Variants in ARMC2 observed in about 807,000 individuals in gnomAD.
ARMC2 encodes the protein armadillo repeat-containing protein 2.
ARMC2 carries 67 observed loss-of-function variants against 90.3 expected under a neutral mutation model. The observed-to-expected ratio is 0.74, with a 90% CI of 0.61 to 0.91. The LOEUF is 0.91. Ranked by LOEUF, ARMC2 falls within the 40% of genes least tolerant of loss-of-function variation. The probability of loss-of-function intolerance (pLI) is 0.00; values close to 1 mark genes in which losing one functional copy is unlikely to be tolerated. For synonymous variants in ARMC2, 393 were observed against 393.0 expected (o/e 1.00, Z 0.00); for missense variants, 920 against 1,030.9 (o/e 0.89, Z 1.47).
At chr6:108,937,683 C>T (rs1236878874) in intron 12 of ARMC2, among the ~76,000 whole-genome samples, 1 of 151,994 alleles carries the variant, frequency 6.6e-6, no homozygotes. Context: ...TTCATACAGA[C>T]ATTATTTTTA....
At chr6:108,940,223 G>A (rs1339760441) in intron 12 of ARMC2, among the ~76,000 whole-genome samples, 2 of 152,196 alleles carry the variant, frequency 1.3e-5, no homozygotes, top group African/African-American at 2.4e-5. Flanking sequence ...CCGAGATCGT[G>A]CCACTGCACT....
chr6:108,955,121 A>G (rs1194964855), intron 13 of ARMC2, among the ~76,000 whole-genome samples: 1 of 152,178 alleles, frequency 6.6e-6, no homozygotes, highest in East Asian at 1.9e-4. Context: ...CACAGGACCT[A>G]GCTCCAAATA....
chr6:109,050,690 G>T, the ARMC2 span, among the ~76,000 whole-genome samples: 2 of 152,110 alleles, frequency 1.3e-5, no homozygotes, highest in Non-Finnish European at 2.9e-5. Flanking sequence ...AGGTCTCTCA[G>T]CCTAAAGGCA....
At chr6:108,858,677 A>G (rs370044480) in intron 3 of ARMC2, among the ~76,000 whole-genome samples, 7 of 151,478 alleles carry the variant, frequency 4.6e-5, no homozygotes, top group Non-Finnish European at 7.4e-5. Flanking sequence ...GTCTCTCTAT[A>G]TATACATTTA....
the ARMC2 span, among the ~76,000 whole-genome samples, chr6:109,026,598 C>T: frequency 1.3e-5 from 2 of 151,924 alleles, no homozygotes; most frequent in Admixed American, 6.6e-5. Context: ...CTCCCAGTTT[C>T]GGTTCAAGCG....
the ARMC2 span, among the ~76,000 whole-genome samples, chr6:109,031,916 A>C: frequency 6.6e-6 from 1 of 152,214 alleles, no homozygotes; most frequent in Non-Finnish European, 1.5e-5. Flanking sequence ...GATGGAACCC[A>C]AGTCTAAACA....
the ARMC2 span, among the ~76,000 whole-genome samples, chr6:109,052,548 T>G: frequency 6.6e-6 from 1 of 152,214 alleles, no homozygotes; most frequent in Non-Finnish European, 1.5e-5. Context: ...CACTTAAAGT[T>G]TTAATATAAT....
the ARMC2 span, among the ~76,000 whole-genome samples, chr6:109,014,718 C>A: frequency 1.3e-5 from 2 of 152,086 alleles, no homozygotes; most frequent in African/African-American, 4.8e-5. Flanking sequence ...TCTGTCACTC[C>A]TCTCAGTGTC....
Position 108,962,105 on chromosome 6 carries a change from C to A in ARMC2, c.2130C>A (p.Cys710Ter). The A allele has an allele frequency of 6.2e-7, 1 of 1,610,060 alleles. No homozygotes were observed. Among genetic ancestry groups the A allele is most frequent in the South Asian group, 1.1e-5 (1 of 90,424 alleles). ...ATCTCTCCCAGGACCATGATGTCTGCGATTTCATTGTGCAGAACAATGGTG... is the reference window on the plus strand; with the variant it reads ...ATCTCTCCCAGGACCATGATGTCTGAGATTTCATTGTGCAGAACAATGGTG... ...FGNLSQDHDV[C>*]DFIVQNNVHR... is the part of the protein sequence containing the mutation. The change falls in exon 15 of 18, where the codon TGC becomes TGA. Residue 710 changes from cysteine to a stop codon, truncating the protein, a stop_gained. Transcript: ENST00000392644. LOFTEE classifies it high-confidence loss of function.
At chr6:109,027,772 G>T in the ARMC2 span, among the ~76,000 whole-genome samples, 213 of 152,254 alleles carry the variant, frequency 1.4e-3, 1 homozygote, top group African/African-American at 4.9e-3. Context: ...GATGCCTAAT[G>T]TAGCAATATC....
the ARMC2 span, among the ~76,000 whole-genome samples, chr6:108,980,892 A>G: frequency 6.6e-6 from 1 of 152,310 alleles, no homozygotes; most frequent in East Asian, 1.9e-4. Context: ...TGTCTCAAAA[A>G]AACAAAACAA....
intron 13 of ARMC2, among the ~76,000 whole-genome samples, chr6:108,960,417 C>T (rs12111012): frequency 0.028 from 4,308 of 152,280 alleles, 198 homozygotes; most frequent in African/African-American, 0.098. Flanking sequence ...GAGTGGGAGG[C>T]AGGGACAAAA....
rs1332449710 is a variant in ARMC2 at position 108,910,916 on chromosome 6, G to T, written c.1041G>T (p.Lys347Asn). 3.2e-6 allele frequency: 5 copies of T among 1,555,994 alleles called. No individual in the cohort carries two copies. The highest frequency in any genetic ancestry group is 2.7e-5 in the African/African-American group (2 of 73,740). ...KIILALKVSRKNLLNVCKLIF... is the reference protein window; with the variant it reads ...KIILALKVSRNNLLNVCKLIF... ...CTCTGCAGCTTAAAGTGAGTAGAAA[G>T]AATCTTCTTAATGTCTGCAAACTTA... Residue 347 changes from lysine to asparagine, a missense_variant, in exon 9 of 18, where the codon AAG becomes AAT. Coordinates refer to ENST00000392644, the MANE Select transcript of ARMC2 (RefSeq NM_032131.6).
chr6:108,863,852 T>C (rs1775533957), intron 3 of ARMC2, among the ~76,000 whole-genome samples: 1 of 152,178 alleles, frequency 6.6e-6, no homozygotes, highest in Non-Finnish European at 1.5e-5. Context: ...AATTGATCAT[T>C]TCTGGGCTCA....
the ARMC2 span, among the ~76,000 whole-genome samples, chr6:108,995,234 G>A: frequency 2.0e-5 from 3 of 152,214 alleles, no homozygotes; most frequent in East Asian, 1.9e-4. Context: ...GCAGAACTGC[G>A]TAAGATAACT....
the ARMC2 span, among the ~76,000 whole-genome samples, chr6:109,038,945 A>T: frequency 5.3e-5 from 8 of 150,286 alleles, no homozygotes; most frequent in Admixed American, 1.3e-4. Flanking sequence ...AGAGAAGAAG[A>T]AAAGAAGGGA....
chr6:108,973,240 T>A (rs1778879788), intron 17 of ARMC2, 117 bp from the exon 18 acceptor site: 1 of 696,960 alleles, frequency 1.4e-6, no homozygotes, highest in African/African-American at 1.8e-5. Context: ...CTGTCTTGTG[T>A]TACGTTGGTA....
At chr6:109,028,346 C>T in the ARMC2 span, among the ~76,000 whole-genome samples, 1,105 of 152,194 alleles carry the variant, frequency 7.3e-3, 5 homozygotes, top group Non-Finnish European at 0.011. Flanking sequence ...TTCTACAGTA[C>T]AGATAACTTT....
chr6:108,861,264 GTGT>G (rs1333910349), intron 3 of ARMC2, among the ~76,000 whole-genome samples: 1 of 152,206 alleles, frequency 6.6e-6, no homozygotes, highest in African/African-American at 2.4e-5. Context: ...CTCTGTGTTT[GTGT>G]GTATGTGTGT....
Sources: gnomAD v4.1 joint callset for allele counts (sites outside exome capture counted in the v4.1 genomes callset) on GRCh38, gnomAD v4.1.1 for gene constraint, MANE v1.5 for transcripts, NCBI Gene and HGNC (gene_info 2026-07-23, HGNC 2026-07-21) for gene names.